Variants in PXK observed in about 807,000 individuals in gnomAD.
PXK encodes PX domain-containing protein kinase-like protein.
In PXK, 35 loss-of-function variants were observed where a neutral mutation model predicts 84.7. The observed-to-expected ratio is 0.41, with a 90% confidence interval of 0.32 to 0.55. The LOEUF (loss-of-function observed/expected upper bound fraction) is 0.55, where lower values mean the gene tolerates loss of function less well. PXK is among the 20% of genes least tolerant of loss of function. The pLI, the probability that PXK is intolerant of heterozygous loss-of-function variation, is 0.21. For synonymous variants in PXK, 253 were observed against 260.8 expected (o/e 0.97, Z 0.29); for missense variants, 634 against 699.7 (o/e 0.91, Z 1.06).
rs1181443333 is a variant in PXK at position 58,346,882 on chromosome 3, A to T, written c.102+13792A>T. Reference sequence around the variant, plus strand: ...GGCACGGAGTCTGGCTCCGTCACCCAGGCTGGAGTGCAGTGGTGCGATCTC... The same window carrying T: ...GGCACGGAGTCTGGCTCCGTCACCCTGGCTGGAGTGCAGTGGTGCGATCTC... On this transcript the variant is annotated intron_variant, in intron 1 of 17. Coordinates refer to ENST00000356151, the MANE Select transcript of PXK (RefSeq NM_017771.5). Among the ~76,000 whole-genome samples, 2 of 152,272 alleles carry T rather than the reference A, an allele frequency of 1.3e-5. 1 individual carries two copies. Among genetic ancestry groups the T allele is most frequent in the South Asian group, 4.1e-4 (2 of 4,824 alleles).
At position 58,379,952 on chromosome 3, in the gene PXK, A is replaced by G. The variant is rs1366232583; in HGVS notation, c.202-2562A>G. 5.3e-5 allele frequency among the ~76,000 whole-genome samples: 8 copies of G among 152,084 alleles called. No homozygotes were observed. The highest frequency in any genetic ancestry group is 5.2e-4 in the Admixed American group (8 of 15,260). Reference sequence around the variant, plus strand: ...ATGCCACTGCACTTTAGCCTGGGTGACAGGGTGAGAACCTGTCTCAAAAAC... The same window carrying G: ...ATGCCACTGCACTTTAGCCTGGGTGGCAGGGTGAGAACCTGTCTCAAAAAC... On this transcript the variant is annotated intron_variant, in intron 3 of 17. Coordinates refer to ENST00000356151, the MANE Select transcript of PXK (RefSeq NM_017771.5). The surrounding 1 kb of genome is among the most constrained non-coding windows in gnomAD (Gnocchi z 5.1).
In PXK at chr3:58,409,479, C is replaced by T; in HGVS notation, c.1309-53C>T. 1 of 1,499,304 alleles carries T rather than the reference C, an allele frequency of 6.7e-7. No homozygotes were observed. Among genetic ancestry groups the T allele is most frequent in the Non-Finnish European group, 9.2e-7 (1 of 1,090,700 alleles). 92.9% of individuals were successfully genotyped at this position (1,499,304 alleles called of 1,614,324 possible). A position where few individuals can be genotyped will look rare whatever the true frequency, so the allele number is the denominator to read the frequency against. On this transcript the variant is annotated intron_variant, in intron 14 of 17. Transcript: ENST00000356151. The surrounding 1 kb of genome is among the most constrained non-coding windows in gnomAD (Gnocchi z 4.2). ...GCCAAAACATGTTGGAGAAGATTTT[C>T]ATTAGGAAGCTGCCTTATGTGGGAT...
chr3:58,373,425 G>A (rs1234943789), intron 3 of PXK, among the ~76,000 whole-genome samples: 1 of 152,112 alleles, frequency 6.6e-6, no homozygotes, highest in Non-Finnish European at 1.5e-5. Context: ...GAAATAAAGG[G>A]GTTGAACTAG....
chr3:58,359,688 T>C (rs1254847308), intron 1 of PXK, among the ~76,000 whole-genome samples: 3 of 152,222 alleles, frequency 2.0e-5, no homozygotes, highest in Non-Finnish European at 4.4e-5. Context: ...CCAATTTACA[T>C]TTCTATAAGA....
intron 1 of PXK, among the ~76,000 whole-genome samples, chr3:58,348,069 G>A (rs757753612): frequency 2.0e-5 from 3 of 152,036 alleles, no homozygotes; most frequent in East Asian, 1.9e-4. Flanking sequence ...GACCGTGCCC[G>A]GCTAATTTTT....
At chr3:58,371,936 G>C (rs2098378894) in intron 3 of PXK, among the ~76,000 whole-genome samples, 1 of 152,124 alleles carries the variant, frequency 6.6e-6, no homozygotes, top group Non-Finnish European at 1.5e-5. Context: ...AGACCAAAAA[G>C]ACTCAAACCT....
At chr3:58,403,984 C>CA (rs2059008957) in intron 13 of PXK, 74 bp downstream of exon 13, 8 of 1,089,602 alleles carry the variant, frequency 7.3e-6, no homozygotes, top group Admixed American at 2.7e-5. Flanking sequence ...TATTTTTAGC[C>CA]AAAAAAAGAA....
chr3:58,375,628 G>A (rs150975879), intron 3 of PXK, among the ~76,000 whole-genome samples: 1,907 of 152,242 alleles, frequency 0.013, 22 homozygotes, highest in Non-Finnish European at 0.021. Flanking sequence ...CCATGTCTAC[G>A]TGGATTTTCT....
chr3:58,424,590 C>T (rs890029004), intron 17 of PXK, among the ~76,000 whole-genome samples, 162 bp from the exon 18 acceptor site: 1 of 152,210 alleles, frequency 6.6e-6, no homozygotes, highest in Non-Finnish European at 1.5e-5. Context: ...ATGCTTCTAG[C>T]TTTCTTTAGT....
chr3:58,356,499 T>TGG (rs2098083207), intron 1 of PXK, among the ~76,000 whole-genome samples: 1 of 152,020 alleles, frequency 6.6e-6, no homozygotes, highest in African/African-American at 2.4e-5. Flanking sequence ...GCTCAGGAGG[T>TGG]AGAGGCCTGA....
At chr3:58,342,255 A>G (rs1314966637) in intron 1 of PXK, among the ~76,000 whole-genome samples, 1 of 152,114 alleles carries the variant, frequency 6.6e-6, no homozygotes, top group Non-Finnish European at 1.5e-5. Context: ...CTGTTCATAA[A>G]TACCCATAAA....
chr3:58,421,882 G>A lies in PXK; in HGVS notation c.1529-2870G>A. On this transcript the variant is annotated intron_variant, in intron 17 of 17. Coordinates refer to ENST00000356151, the MANE Select transcript of PXK (RefSeq NM_017771.5). The surrounding 1 kb of genome is among the most constrained non-coding windows in gnomAD (Gnocchi z 5.5). ...GCTGTTTGCAGCATCCCCCTTCCTGGGTGCAAATTCAGGTATCATAAGTCT... is the reference window on the plus strand; with the variant it reads ...GCTGTTTGCAGCATCCCCCTTCCTGAGTGCAAATTCAGGTATCATAAGTCT... 1.0e-6 allele frequency: 1 copy of A among 985,420 alleles called. No homozygotes were observed. Among genetic ancestry groups the A allele is most frequent in the Non-Finnish European group, 1.2e-6 (1 of 829,930 alleles). The allele number at this position is 985,420 out of a possible 1,614,324, so 61.0% of individuals were successfully genotyped here.
intron 1 of PXK, among the ~76,000 whole-genome samples, chr3:58,362,137 A>G (rs1011399479): frequency 6.6e-6 from 1 of 152,208 alleles, no homozygotes; most frequent in African/African-American, 2.4e-5. Flanking sequence ...AGTGAAATGT[A>G]TTCTTATTAT....
chr3:58,402,960 C>G (rs1174857810), intron 12 of PXK, among the ~76,000 whole-genome samples: 2 of 151,878 alleles, frequency 1.3e-5, no homozygotes, highest in Non-Finnish European at 2.9e-5. Flanking sequence ...CACCTCTCCC[C>G]CTAAATAGAC....
At chr3:58,392,692 C>T (rs1381161305) in intron 7 of PXK, among the ~76,000 whole-genome samples, 1 of 149,818 alleles carries the variant, frequency 6.7e-6, no homozygotes, top group Non-Finnish European at 1.5e-5. Flanking sequence ...GGTGGAGTCT[C>T]TCTTTGTCAC....
intron 1 of PXK, among the ~76,000 whole-genome samples, chr3:58,363,790 G>A (rs992537028): frequency 5.3e-5 from 8 of 152,148 alleles, no homozygotes; most frequent in African/African-American, 1.7e-4. Context: ...AGTTTGTTGA[G>A]TAGGAGAACA....
rs537510643 is a variant in PXK, at chr3:58,347,595, T to G, written c.102+14505T>G. ...TATTACTGAGTAGTATTCCATTGTA[T>G]GGATTTAACATTTGTTATCCATTCA... On this transcript the variant is annotated intron_variant, in intron 1 of 17. Transcript: ENST00000356151. Among the ~76,000 whole-genome samples, 294 of 152,372 alleles carry G rather than the reference T, an allele frequency of 1.9e-3. 1 individual carries two copies. The highest frequency in any genetic ancestry group is 2.3e-3 in the Non-Finnish European group (154 of 68,040).
rs1028897386 is a variant in PXK at position 58,334,941 on chromosome 3, G to C, written c.102+1851G>C. 1.3e-3 allele frequency among the ~76,000 whole-genome samples: 171 copies of C among 132,968 alleles called. 1 individual carries two copies. The highest frequency in any genetic ancestry group is 4.7e-3 in the African/African-American group (157 of 33,178). 87.2% of individuals were successfully genotyped at this position (132,968 alleles called of 152,430 possible). On this transcript the variant is annotated intron_variant, in intron 1 of 17. Coordinates refer to ENST00000356151, the MANE Select transcript of PXK (RefSeq NM_017771.5). ...TTTTATTGTAAGGGTGTGTGTGTGT[G>C]TGTGTGTGTGTGTGTGTCTGTGTGT...
At position 58,373,574 on chromosome 3, in the gene PXK, A is replaced by G. The variant is rs1559967040; in HGVS notation, c.201+4096A>G. On this transcript the variant is annotated intron_variant, in intron 3 of 17. Coordinates refer to ENST00000356151, the MANE Select transcript of PXK (RefSeq NM_017771.5). The stretch of plus-strand genomic sequence containing the variant: ...ATTGAGGGTCTGTTGAAAGCTTAGA[A>G]CTCCCTAGGATACTGACTGGAATAT... Among the ~76,000 whole-genome samples the G allele has an allele frequency of 2.6e-5, 4 of 152,036 alleles. No individual in the cohort carries two copies. The South Asian group carries it at 8.3e-4, about 32-fold the overall frequency.
Sources: allele counts gnomAD v4.1 joint callset (sites outside exome capture counted in the v4.1 genomes callset), GRCh38; gene constraint gnomAD v4.1.1; non-coding constraint Gnocchi (gnomAD v3.1); transcripts MANE v1.5; gene names NCBI Gene and HGNC (gene_info 2026-07-23, HGNC 2026-07-21).